Variants in LIN7A observed in about 807,000 individuals in gnomAD.
LIN7A encodes the protein protein lin-7 homolog A.
Under a neutral mutation model 29.8 loss-of-function variants are expected in LIN7A, and 25 were observed. The ratio of observed to expected loss-of-function variants is 0.84; its 90% CI spans 0.61 to 1.17. The LOEUF (loss-of-function observed/expected upper bound fraction) is 1.17. Ranked by LOEUF, LIN7A falls within the 50% of genes most tolerant of loss-of-function variation. The pLI is 0.00. For synonymous variants in LIN7A, 118 were observed against 107.5 expected, an observed-to-expected ratio of 1.10 and a Z score of -0.60; for missense variants, 239 against 287.0, an observed-to-expected ratio of 0.83 and a Z score of 1.21.
intron 2 of LIN7A, among the ~76,000 whole-genome samples, chr12:80,862,875 G>C (rs562601611): frequency 6.6e-6 from 1 of 152,288 alleles, no homozygotes; most frequent in Non-Finnish European, 1.5e-5. Flanking sequence ...GAAAAAGAAG[G>C]TACAGAATTA....
intron 2 of LIN7A, among the ~76,000 whole-genome samples, chr12:80,876,384 T>C (rs1338882143): frequency 6.6e-6 from 1 of 151,868 alleles, no homozygotes; most frequent in Non-Finnish European, 1.5e-5. Context: ...GGGAAAGATT[T>C]CTGAAGTGAG....
chr12:80,818,145 CTTTT>C (rs1234391789), intron 4 of LIN7A, among the ~76,000 whole-genome samples: 1 of 151,886 alleles, frequency 6.6e-6, no homozygotes, highest in Non-Finnish European at 1.5e-5. Context: ...CCATGAAGTT[CTTTT>C]GTTTGTTTGT....
intron 2 of LIN7A, among the ~76,000 whole-genome samples, chr12:80,855,779 A>G (rs1873564109): frequency 6.6e-6 from 1 of 152,158 alleles, no homozygotes; most frequent in South Asian, 2.1e-4. Context: ...CTAGAATAAA[A>G]TAGAAATAGA....
At chr12:80,895,390 T>C (rs1372892383) in intron 1 of LIN7A, among the ~76,000 whole-genome samples, 1 of 152,234 alleles carries the variant, frequency 6.6e-6, no homozygotes, top group East Asian at 1.9e-4. Flanking sequence ...TGAGTTTTCA[T>C]GAACTCGATT....
chr12:80,897,340 T>A (rs1875960234), intron 1 of LIN7A, among the ~76,000 whole-genome samples: 1 of 152,220 alleles, frequency 6.6e-6, no homozygotes, highest in Non-Finnish European at 1.5e-5. Flanking sequence ...TTATTCCTAA[T>A]CCCAGTGAAA....
In LIN7A at chr12:80,793,972, T is replaced by C. The variant is rs1375705434; in HGVS notation, c.*3755A>G. On this transcript the variant is annotated 3_prime_UTR_variant, in exon 6 of 6. Transcript: ENST00000552864. Reference sequence around the variant, plus strand: ...CATAAAAACTCTGTATCCCCAAACATTGTTCCTTATCCACTGTTCAAATGT... The same window carrying C: ...CATAAAAACTCTGTATCCCCAAACACTGTTCCTTATCCACTGTTCAAATGT... 6.6e-6 allele frequency: 1 copy of C among 152,170 alleles called. No individual in the cohort carries two copies. Among genetic ancestry groups the C allele is most frequent in the African/African-American group, 2.4e-5 (1 of 41,448 alleles). The allele number at this position is 152,170 out of a possible 1,614,324, so 9.4% of individuals were successfully genotyped here. A position where few individuals can be genotyped will look rare whatever the true frequency, so the allele number is the denominator to read the frequency against.
intron 1 of LIN7A, among the ~76,000 whole-genome samples, chr12:80,924,469 C>T (rs1312165722): frequency 6.6e-6 from 1 of 152,158 alleles, no homozygotes; most frequent in Non-Finnish European, 1.5e-5. Flanking sequence ...TAAGCACTTG[C>T]ATGTGTTTTC....
chr12:80,851,035 A>C (rs1241361147), intron 2 of LIN7A, among the ~76,000 whole-genome samples: 2 of 152,184 alleles, frequency 1.3e-5, no homozygotes, highest in Non-Finnish European at 2.9e-5. Context: ...ACAGCAACTC[A>C]TCTCTATCTC....
intron 1 of LIN7A, among the ~76,000 whole-genome samples, chr12:80,921,034 C>G (rs1263673433): frequency 4.6e-5 from 7 of 152,116 alleles, no homozygotes; most frequent in African/African-American, 1.7e-4. Flanking sequence ...CTGAATGTGT[C>G]CCTCCAAAAT....
chr12:80,859,451 C>T (rs558576245), intron 2 of LIN7A, among the ~76,000 whole-genome samples: 6 of 152,192 alleles, frequency 3.9e-5, no homozygotes, highest in African/African-American at 1.2e-4. Context: ...GGAAAATGTA[C>T]GCTATAAAAT....
chr12:80,889,384 AT>A lies in LIN7A; in HGVS notation c.83-16del, dbSNP rs1257762157. 4 of 1,438,218 alleles carry A rather than the reference AT, an allele frequency of 2.8e-6. No individual in the cohort carries two copies. The highest frequency in any genetic ancestry group is 9.8e-7 in the Non-Finnish European group (1 of 1,022,550). 89.1% of individuals were successfully genotyped at this position (1,438,218 alleles called of 1,614,324 possible). ...TCTTGCAACATCTGAATGAAAAAAAATGAAAATAGAGAAACCTAGAATAAAT... is the reference window on the plus strand; with the variant it reads ...TCTTGCAACATCTGAATGAAAAAAAAGAAAATAGAGAAACCTAGAATAAAT... On this transcript the variant is annotated splice_polypyrimidine_tract_variant and intron_variant, in intron 1 of 5. Transcript: ENST00000552864.
At chr12:80,851,009 T>C (rs1251079236) in intron 2 of LIN7A, among the ~76,000 whole-genome samples, 1 of 152,070 alleles carries the variant, frequency 6.6e-6, no homozygotes, top group Admixed American at 6.6e-5. Context: ...CACAGCTAAT[T>C]TGTTGCAGAT....
At chr12:80,875,096 G>C (rs1040660326) in intron 2 of LIN7A, among the ~76,000 whole-genome samples, 2 of 152,180 alleles carry the variant, frequency 1.3e-5, no homozygotes, top group Non-Finnish European at 2.9e-5. Context: ...AGTAAAACTA[G>C]AACTAGACTG....
At chr12:80,865,260 A>G (rs1391334436) in intron 2 of LIN7A, among the ~76,000 whole-genome samples, 5 of 152,204 alleles carry the variant, frequency 3.3e-5, no homozygotes, top group Non-Finnish European at 7.4e-5. Context: ...TTACAAAATT[A>G]AAGAAATTCT....
At chr12:80,825,009 G>T (rs190440993) in intron 4 of LIN7A, among the ~76,000 whole-genome samples, 1 of 152,134 alleles carries the variant, frequency 6.6e-6, no homozygotes, top group Non-Finnish European at 1.5e-5. Flanking sequence ...GGAAGTCCTC[G>T]CCAGAGCAAT....
intron 1 of LIN7A, among the ~76,000 whole-genome samples, chr12:80,911,789 T>A (rs1876759459): frequency 6.6e-6 from 1 of 152,174 alleles, no homozygotes; most frequent in Non-Finnish European, 1.5e-5. Flanking sequence ...CAAGATAAGA[T>A]CCCAGTACTT....
chr12:80,932,304 A>T (rs1419464772), intron 1 of LIN7A, among the ~76,000 whole-genome samples: 1 of 152,194 alleles, frequency 6.6e-6, no homozygotes, highest in African/African-American at 2.4e-5. Flanking sequence ...CACAAAATAA[A>T]AGTTCTTGGT....
At position 80,842,235 on chromosome 12, in the gene LIN7A, T is replaced by C. The variant is rs1047203683; in HGVS notation, c.483+3495A>G. On this transcript the variant is annotated intron_variant, in intron 4 of 5. Coordinates refer to ENST00000552864, the MANE Select transcript of LIN7A (RefSeq NM_004664.4). Reference sequence around the variant, plus strand: ...TTTATAACCTAACATTCCATGTTAATAGTTCTGTGTGTGTATATATATATT... The same window carrying C: ...TTTATAACCTAACATTCCATGTTAACAGTTCTGTGTGTGTATATATATATT... 1.7e-5 allele frequency: 12 copies of C among 701,036 alleles called. No homozygotes were observed. In the African/African-American group the frequency reaches 2.3e-4, roughly 13 times the overall value. 43.4% of individuals were successfully genotyped at this position (701,036 alleles called of 1,614,324 possible). A position where few individuals can be genotyped will look rare whatever the true frequency, so the allele number is the denominator to read the frequency against.
At chr12:80,892,263 G>A (rs1225539204) in intron 1 of LIN7A, among the ~76,000 whole-genome samples, 5 of 152,136 alleles carry the variant, frequency 3.3e-5, no homozygotes, top group African/African-American at 9.7e-5. Flanking sequence ...CTAAAATGCA[G>A]AATACCTAAC....
Sources: gnomAD v4.1 joint callset for allele counts (sites outside exome capture counted in the v4.1 genomes callset) on GRCh38, gnomAD v4.1.1 for gene constraint, MANE v1.5 for transcripts, NCBI Gene and HGNC (gene_info 2026-07-23, HGNC 2026-07-21) for gene names.